Variants in GPHN observed in about 807,000 individuals in gnomAD.
The protein encoded by GPHN is gephyrin.
GPHN carries 17 observed loss-of-function variants against 95.5 expected under a neutral mutation model. The observed-to-expected ratio is 0.18, with a 90% CI of 0.12 to 0.27. The LOEUF (loss-of-function observed/expected upper bound fraction) is 0.27. Among genes scored for constraint, GPHN ranks in the 10% least tolerant of loss-of-function variants. The pLI is 1.00. For missense variants in GPHN, 660 were observed against 978.1 expected (o/e 0.67, Z 4.34); for synonymous variants, 320 against 322.5 (o/e 0.99, Z 0.08).
chr14:67,172,489 G>A (rs2082654153), intron 21 of GPHN, among the ~76,000 whole-genome samples: 5 of 152,134 alleles, frequency 3.3e-5, no homozygotes, highest in Admixed American at 3.3e-4. Context: ...GAGCCACCCA[G>A]AACAGCCATG....
chr14:67,412,340 G>C, the GPHN span: 1 of 384,226 alleles, frequency 2.6e-6, no homozygotes, highest in Non-Finnish European at 4.6e-6. Flanking sequence ...ATCCAGGTGC[G>C]CCCCGCGCCC....
the GPHN span, chr14:67,589,372 C>T: frequency 2.0e-6 from 2 of 984,654 alleles, no homozygotes; most frequent in Non-Finnish European, 2.4e-6. Context: ...AACCAAAGTC[C>T]AATTTCTGTC....
chr14:66,927,825 TATG>T (rs1417062137), intron 8 of GPHN, among the ~76,000 whole-genome samples: 1 of 152,212 alleles, frequency 6.6e-6, no homozygotes, highest in Non-Finnish European at 1.5e-5. Flanking sequence ...ATTCTGTAGA[TATG>T]ATGTATCACA....
intron 4 of GPHN, among the ~76,000 whole-genome samples, chr14:66,854,420 C>A (rs1000554994): frequency 3.5e-4 from 53 of 152,120 alleles, no homozygotes; most frequent in African/African-American, 1.2e-3. Flanking sequence ...CCTATTTTCC[C>A]AATGAGAAGA....
the GPHN span, among the ~76,000 whole-genome samples, chr14:67,243,748 G>A: frequency 1.7e-4 from 26 of 151,886 alleles, no homozygotes; most frequent in African/African-American, 6.3e-4. Flanking sequence ...CGCCCGCCTC[G>A]CCCTCCCAAA....
At chr14:67,491,901 CT>C in the GPHN span, among the ~76,000 whole-genome samples, 1 of 152,226 alleles carries the variant, frequency 6.6e-6, no homozygotes, top group Admixed American at 6.5e-5. Context: ...CCGCGGGGGC[CT>C]GCCTGGCATG....
downstream of GPHN, among the ~76,000 whole-genome samples, chr14:67,182,916 G>A (rs190492308): frequency 3.9e-3 from 563 of 143,096 alleles, 5 homozygotes; most frequent in African/African-American, 0.014. Context: ...CATGGTCCTA[G>A]TGCACTACAG....
the GPHN span, chr14:67,662,512 C>T: frequency 1.2e-6 from 2 of 1,611,488 alleles, no homozygotes; most frequent in South Asian, 2.2e-5. Flanking sequence ...TCATCAAAAT[C>T]CCTGATCAAT....
the GPHN span, chr14:67,395,333 G>C: frequency 7.0e-7 from 1 of 1,434,230 alleles, no homozygotes; most frequent in Admixed American, 1.8e-5. Context: ...CCCCCAAGGG[G>C]CAGGGTCCCC....
chr14:66,970,806 G>A (rs900602864), intron 9 of GPHN, among the ~76,000 whole-genome samples: 1 of 152,124 alleles, frequency 6.6e-6, no homozygotes, highest in African/African-American at 2.4e-5. Context: ...CAAAAAGGTT[G>A]GAAACCAGTG....
At chr14:67,199,198 A>T in the GPHN span, 1 of 1,606,508 alleles carries the variant, frequency 6.2e-7, no homozygotes, top group Non-Finnish European at 8.5e-7. Context: ...CACATGCCAA[A>T]GGATAGAGTC....
chr14:67,586,334 ATG>A, the GPHN span: 9 of 1,392,320 alleles, frequency 6.5e-6, no homozygotes, highest in Non-Finnish European at 8.8e-6. Context: ...AGCTACTATT[ATG>A]CTCTTCACTT....
intron 5 of GPHN, among the ~76,000 whole-genome samples, chr14:66,911,468 G>GT (rs2065671667): frequency 6.6e-6 from 1 of 151,928 alleles, no homozygotes; most frequent in Admixed American, 6.6e-5. Flanking sequence ...AAGTAAGAAT[G>GT]TTTTAAAATT....
chr14:67,323,257 GTGTGTATATA>G, the GPHN span, among the ~76,000 whole-genome samples: 5 of 134,658 alleles, frequency 3.7e-5, no homozygotes, highest in South Asian at 7.3e-4. Flanking sequence ...GTGTGTGTGT[GTGTGTATATA>G]TATATATGGC....
the GPHN span, among the ~76,000 whole-genome samples, chr14:67,701,425 C>CTTTTTTTTTTTTTTTTTTTT: frequency 1.4e-5 from 1 of 71,128 alleles, no homozygotes; most frequent in Non-Finnish European, 2.8e-5. Flanking sequence ...ATTATAATTT[C>CTTTTTTTTTTTTTTTTTTTT]TTTTTTTTTT....
chr14:66,939,237 A>G lies in GPHN; in HGVS notation c.828+14945A>G, dbSNP rs1468557352. Among the ~76,000 whole-genome samples, 3 of 152,222 alleles carry G rather than the reference A, an allele frequency of 2.0e-5. No individual in the cohort carries two copies. In the East Asian group the frequency reaches 5.8e-4, roughly 29 times the overall value. The stretch of plus-strand genomic sequence containing the variant: ...ATCCAAAGATTCTATGAACAGAGAA[A>G]AAGGCAGTCCACAGAATGGGAGAAA... On this transcript the variant is annotated intron_variant, in intron 8 of 22. Transcript: ENST00000478722.
chr14:67,292,218 G>A, the GPHN span, among the ~76,000 whole-genome samples: 1 of 152,090 alleles, frequency 6.6e-6, no homozygotes, highest in South Asian at 2.1e-4. Flanking sequence ...ATTATTGGTG[G>A]TTTTAAATTT....
the GPHN span, chr14:67,364,652 A>G: frequency 9.4e-7 from 1 of 1,059,188 alleles, no homozygotes. Flanking sequence ...GAAGACTAAG[A>G]CTAATAACTA....
chr14:66,520,643 T>C (rs2058440614), intron 1 of GPHN, among the ~76,000 whole-genome samples: 1 of 152,104 alleles, frequency 6.6e-6, no homozygotes, highest in South Asian at 2.1e-4. Context: ...GATTGAGAAG[T>C]TATAGTAATA....
Sources: gnomAD v4.1 joint callset for allele counts (sites outside exome capture counted in the v4.1 genomes callset) on GRCh38, gnomAD v4.1.1 for gene constraint, MANE v1.5 for transcripts, NCBI Gene and HGNC (gene_info 2026-07-23, HGNC 2026-07-21) for gene names.